The following RAB2A variants were observed in gnomAD, a reference collection of about 807,000 sequenced individuals.
RAB2A encodes the protein RAB2A, member RAS oncogene family, also known as ras-related protein Rab-2A.
A neutral mutation model predicts 32.5 loss-of-function variants in RAB2A; 7 were observed. The ratio of observed to expected loss-of-function variants is 0.22; its 90% CI spans 0.12 to 0.40. The LOEUF is 0.40. Ranked by LOEUF, RAB2A falls within the 10% of genes least tolerant of loss-of-function variation. The pLI is 1.00. For missense variants in RAB2A, 108 were observed against 260.7 expected (o/e 0.41, Z 4.03); for synonymous variants, 79 against 85.2 (o/e 0.93, Z 0.40).
chr8:60,581,672 A>G (rs1803752772), intron 3 of RAB2A, among the ~76,000 whole-genome samples: 1 of 152,058 alleles, frequency 6.6e-6, no homozygotes, highest in Admixed American at 6.6e-5. Context: ...TTTCTGTGCT[A>G]AGCAGTTAAA....
intron 2 of RAB2A, among the ~76,000 whole-genome samples, chr8:60,568,845 G>A (rs987304056): frequency 6.6e-6 from 1 of 152,122 alleles, no homozygotes; most frequent in Non-Finnish European, 1.5e-5. Flanking sequence ...TGGGAAGAGG[G>A]CGTCAAAGGC....
intron 1 of RAB2A, among the ~76,000 whole-genome samples, chr8:60,517,593 C>T (rs1484275915): frequency 2.6e-5 from 4 of 152,074 alleles, no homozygotes; most frequent in Admixed American, 2.6e-4. Context: ...CCCCAGGGCC[C>T]CTTGCGTTAG....
intron 1 of RAB2A, among the ~76,000 whole-genome samples, chr8:60,557,050 A>G (rs1807950020): frequency 6.6e-6 from 1 of 152,194 alleles, no homozygotes; most frequent in Non-Finnish European, 1.5e-5. Flanking sequence ...TTTAACTTAG[A>G]AAAACTGTTC....
At chr8:60,615,132 C>T (rs1488123315) in intron 6 of RAB2A, among the ~76,000 whole-genome samples, 1 of 152,132 alleles carries the variant, frequency 6.6e-6, no homozygotes, top group Admixed American at 6.5e-5. Context: ...TTAATGAAGT[C>T]TTAAAAGAGC....
At chr8:60,558,072 TAA>T (rs924035896) in intron 1 of RAB2A, among the ~76,000 whole-genome samples, 3 of 152,222 alleles carry the variant, frequency 2.0e-5, no homozygotes, top group Non-Finnish European at 2.9e-5. Flanking sequence ...TAGCATTCAA[TAA>T]AGACTTTGAG....
chr8:60,620,053 T>G (rs1342090980), intron 7 of RAB2A, among the ~76,000 whole-genome samples: 1 of 152,260 alleles, frequency 6.6e-6, no homozygotes. Flanking sequence ...GACGTAAAGT[T>G]TCCTTAAGAG....
In RAB2A at chr8:60,547,447, G is replaced by A. The variant is rs1023694986; in HGVS notation, c.47-11405G>A. On this transcript the variant is annotated intron_variant, in intron 1 of 7. Coordinates refer to ENST00000262646, the MANE Select transcript of RAB2A (RefSeq NM_002865.3). ...AGACGGGGTGGTGGCCGGGCAGAGG[G>A]GCTCCTCACTTCCCAGTAGGCGCGG... is the stretch of plus-strand genomic sequence containing the variant. Among the ~76,000 whole-genome samples, 82 of 151,974 alleles carry A rather than the reference G, an allele frequency of 5.4e-4. 1 individual carries two copies. Among genetic ancestry groups the A allele is most frequent in the Middle Eastern group, 3.4e-3 (1 of 292 alleles).
intron 5 of RAB2A, among the ~76,000 whole-genome samples, chr8:60,588,440 C>T (rs1188418343): frequency 6.6e-6 from 1 of 152,122 alleles, no homozygotes; most frequent in Non-Finnish European, 1.5e-5. Flanking sequence ...ACCCAAATAT[C>T]AATTAACAGA....
At chr8:60,567,747 GTTA>G (rs1212324189) in intron 2 of RAB2A, among the ~76,000 whole-genome samples, 2 of 144,722 alleles carry the variant, frequency 1.4e-5, no homozygotes, top group African/African-American at 2.8e-5. Context: ...AGATTTTGTT[GTTA>G]TTGTAAGTAA....
At position 60,547,824 on chromosome 8, in the gene RAB2A, C is replaced by T. The variant is rs1280318517; in HGVS notation, c.47-11028C>T. ...TTCCCGGATGGGGCGGCTGGCCGGG[C>T]GGGGGGCTGACCCCCCCACCTCCCT... On this transcript the variant is annotated intron_variant, in intron 1 of 7. Transcript: ENST00000262646. 3.5e-3 allele frequency among the ~76,000 whole-genome samples: 389 copies of T among 111,270 alleles called. 5 individuals are homozygous for T. Among genetic ancestry groups the T allele is most frequent in the African/African-American group, 0.014 (356 of 24,902 alleles). 73.0% of individuals were successfully genotyped at this position (111,270 alleles called of 152,430 possible).
At chr8:60,580,691 A>G (rs1586095320) in intron 3 of RAB2A, among the ~76,000 whole-genome samples, 1 of 152,200 alleles carries the variant, frequency 6.6e-6, no homozygotes, top group Admixed American at 6.5e-5. Flanking sequence ...GTATTGTGTA[A>G]GTTATTTCCA....
intron 2 of RAB2A, among the ~76,000 whole-genome samples, chr8:60,566,674 G>C (rs752638641): frequency 6.6e-6 from 1 of 152,054 alleles, no homozygotes; most frequent in Non-Finnish European, 1.5e-5. Context: ...ATTGTGTACT[G>C]GTGGACATTG....
chr8:60,544,919 A>G (rs1460913883), intron 1 of RAB2A, among the ~76,000 whole-genome samples: 1 of 150,346 alleles, frequency 6.7e-6, no homozygotes, highest in Non-Finnish European at 1.5e-5. Flanking sequence ...GTTTTTTTGT[A>G]TTTTTGGTAG....
At chr8:60,550,996 A>C (rs1277527486) in intron 1 of RAB2A, among the ~76,000 whole-genome samples, 1 of 152,058 alleles carries the variant, frequency 6.6e-6, no homozygotes, top group Non-Finnish European at 1.5e-5. Context: ...GTGTGGAATA[A>C]TACTCTTCTC....
Position 60,547,647 on chromosome 8 carries a change from C to CG in RAB2A, c.47-11199dup, listed in dbSNP as rs1242174944. Among the ~76,000 whole-genome samples the CG allele has an allele frequency of 7.1e-5, 5 of 70,056 alleles. No homozygotes were observed. In the East Asian group the frequency reaches 2.3e-3, roughly 33 times the overall value. 46.0% of individuals were successfully genotyped at this position (70,056 alleles called of 152,430 possible). On this transcript the variant is annotated intron_variant, in intron 1 of 7. Coordinates refer to ENST00000262646, the MANE Select transcript of RAB2A (RefSeq NM_002865.3). ...CTCCCGGACGGGGCGGCTGGCCAGG[C>CG]GGGGGGCTGACCCCCCCACCTCCCT...
intron 3 of RAB2A, chr8:60,576,301 T>G (rs1426423517): frequency 6.8e-5 from 31 of 456,192 alleles, no homozygotes; most frequent in Non-Finnish European, 8.8e-6. Context: ...GGCAGAGGTA[T>G]GTTCTCACTG....
chr8:60,604,859 G>T (rs1188125584), intron 6 of RAB2A, among the ~76,000 whole-genome samples: 8 of 152,196 alleles, frequency 5.3e-5, no homozygotes, highest in Admixed American at 1.3e-4. Flanking sequence ...TTGTAGCCTG[G>T]CCATGTGGTA....
At chr8:60,560,481 A>C (rs958321428) in intron 2 of RAB2A, among the ~76,000 whole-genome samples, 2 of 152,242 alleles carry the variant, frequency 1.3e-5, no homozygotes, top group African/African-American at 4.8e-5. Flanking sequence ...ACTCATTTCT[A>C]AGACAACTGG....
chr8:60,612,879 C>A (rs578064995), intron 6 of RAB2A, among the ~76,000 whole-genome samples: 1 of 152,214 alleles, frequency 6.6e-6, no homozygotes, highest in Non-Finnish European at 1.5e-5. Flanking sequence ...GCTGTCCCTA[C>A]TCCATCTCAT....
Sources: allele counts gnomAD v4.1 joint callset (sites outside exome capture counted in the v4.1 genomes callset), GRCh38; gene constraint gnomAD v4.1.1; transcripts MANE v1.5; gene names NCBI Gene and HGNC (gene_info 2026-07-23, HGNC 2026-07-21).